PALLD: variants seen among roughly 807,000 people sequenced by gnomAD.
PALLD encodes palladin, cytoskeletal associated protein.
A neutral mutation model predicts 123.5 loss-of-function variants in PALLD; 61 were observed. That is an observed-to-expected ratio of 0.49 (90% CI 0.40 to 0.61). The LOEUF (loss-of-function observed/expected upper bound fraction) is 0.61. Ranked by LOEUF, PALLD falls within the 20% of genes least tolerant of loss-of-function variation. PALLD has a pLI of 0.00. For missense variants in PALLD, 1,273 were observed against 1,377.0 expected, an observed-to-expected ratio of 0.92 and a Z score of 1.20; for synonymous variants, 465 against 496.4, an observed-to-expected ratio of 0.94 and a Z score of 0.84.
At chr4:168,530,154 A>C (rs1051812564) in intron 2 of PALLD, among the ~76,000 whole-genome samples, 2 of 152,216 alleles carry the variant, frequency 1.3e-5, no homozygotes, top group African/African-American at 4.8e-5. Context: ...GCTAACTCTA[A>C]TTTATCCACT....
chr4:168,879,521 C>G (rs1232845604), intron 10 of PALLD, among the ~76,000 whole-genome samples: 1 of 152,146 alleles, frequency 6.6e-6, no homozygotes, highest in East Asian at 1.9e-4. Flanking sequence ...AGGAGAAGAT[C>G]TTAGAATTCA....
intron 8 of PALLD, among the ~76,000 whole-genome samples, chr4:168,708,510 C>T (rs1222910950): frequency 6.6e-6 from 1 of 152,206 alleles, no homozygotes; most frequent in Non-Finnish European, 1.5e-5. Context: ...CACTGCCATG[C>T]CACTTAACAG....
At chr4:168,562,911 G>A (rs942917904) in intron 2 of PALLD, among the ~76,000 whole-genome samples, 2 of 152,132 alleles carry the variant, frequency 1.3e-5, no homozygotes, top group Non-Finnish European at 2.9e-5. Flanking sequence ...TGTAGAGAAT[G>A]GACTATATAG....
At chr4:168,517,280 CA>C (rs1390137216) in intron 2 of PALLD, among the ~76,000 whole-genome samples, 1 of 151,592 alleles carries the variant, frequency 6.6e-6, no homozygotes, top group Non-Finnish European at 1.5e-5. Flanking sequence ...GTACATATGT[CA>C]AAAAAAACTT....
intron 10 of PALLD, among the ~76,000 whole-genome samples, chr4:168,714,595 C>T (rs185989163): frequency 2.0e-5 from 3 of 152,078 alleles, no homozygotes; most frequent in Non-Finnish European, 2.9e-5. Flanking sequence ...TTATTTGCCT[C>T]GTGTGGTCAG....
At chr4:168,907,107 C>T (rs1312380433) in intron 15 of PALLD, among the ~76,000 whole-genome samples, 2 of 151,624 alleles carry the variant, frequency 1.3e-5, no homozygotes, top group Non-Finnish European at 2.9e-5. Context: ...TTTCCTCCCT[C>T]GTAAAATGAG....
intron 10 of PALLD, among the ~76,000 whole-genome samples, chr4:168,774,727 C>CAAAAAAAAAAAAAAAAAA (rs56364164): frequency 1.4e-5 from 1 of 73,226 alleles, no homozygotes; most frequent in Non-Finnish European, 2.6e-5. Flanking sequence ...GACTGCATCT[C>CAAAAAAAAAAAAAAAAAA]AAAAAAAAAA....
chr4:168,882,095 A>G (rs1390857340), intron 10 of PALLD, among the ~76,000 whole-genome samples: 1 of 152,212 alleles, frequency 6.6e-6, no homozygotes, highest in East Asian at 1.9e-4. Context: ...TTTGGTTTGA[A>G]ATGTTGCCCC....
Position 168,926,213 on chromosome 4 carries a change from C to T in PALLD, c.*33C>T, listed in dbSNP as rs569054006. ...CTTAATTTACTCTTTTTCTTTGTAG[C>T]CCAGTGGCATCAGCAGTCACAGAGC... On this transcript the variant is annotated splice_region_variant and 3_prime_UTR_variant, in exon 22 of 22. Transcript: ENST00000505667. 3.9e-6 allele frequency: 6 copies of T among 1,527,184 alleles called. No individual in the cohort carries two copies. Among genetic ancestry groups the T allele is most frequent in the Non-Finnish European group, 5.3e-6 (6 of 1,141,194 alleles). The allele number at this position is 1,527,184 out of a possible 1,614,324, so 94.6% of individuals were successfully genotyped here.
chr4:168,646,936 CA>C (rs1325914468), intron 2 of PALLD, among the ~76,000 whole-genome samples: 1 of 152,152 alleles, frequency 6.6e-6, no homozygotes, highest in Non-Finnish European at 1.5e-5. Context: ...TCTCAATCCT[CA>C]AAACTACCAA....
intron 10 of PALLD, among the ~76,000 whole-genome samples, chr4:168,738,951 G>A (rs1788053321): frequency 6.6e-6 from 1 of 152,208 alleles, no homozygotes; most frequent in South Asian, 2.1e-4. Flanking sequence ...GTCCAGGCAG[G>A]TATCTATCAT....
intron 10 of PALLD, among the ~76,000 whole-genome samples, chr4:168,824,777 T>A (rs1001739415): frequency 2.6e-5 from 4 of 151,900 alleles, no homozygotes; most frequent in African/African-American, 9.7e-5. Context: ...TTGTCAATTG[T>A]TTTAACTGTC....
At position 168,785,888 on chromosome 4, in the gene PALLD, C is replaced by A. The variant is rs183563274; in HGVS notation, c.1964+73965C>A. 3.4e-3 allele frequency among the ~76,000 whole-genome samples: 297 copies of A among 87,340 alleles called. 5 individuals carry two copies. Among genetic ancestry groups the A allele is most frequent in the African/African-American group, 8.9e-3 (255 of 28,504 alleles). The allele number at this position is 87,340 out of a possible 152,430, so 57.3% of individuals were successfully genotyped here. On this transcript the variant is annotated intron_variant, in intron 10 of 21. Transcript: ENST00000505667. ...ATATATATATATATAGCATTTTAAG[C>A]CCAACTTGAAGAAAGTTGCTGAATT... is the stretch of plus-strand genomic sequence containing the variant.
At chr4:168,896,040 T>A (rs1316445833) in intron 12 of PALLD, among the ~76,000 whole-genome samples, 2 of 152,006 alleles carry the variant, frequency 1.3e-5, no homozygotes, top group Non-Finnish European at 2.9e-5. Flanking sequence ...TGAAACCCCG[T>A]CTCTACTGAA....
rs751503540 is a variant in PALLD at position 168,709,160 on chromosome 4, TA to T, written c.1621+21del. Reference sequence around the variant, plus strand: ...GTTGTCACCTCAGGTATGTGAGGAGTAAAAAAAATGACTGGGTTCTGTTCCC... The same window carrying T: ...GTTGTCACCTCAGGTATGTGAGGAGTAAAAAAATGACTGGGTTCTGTTCCC... On this transcript the variant is annotated intron_variant, in intron 9 of 21. Transcript: ENST00000505667. 3.0e-5 allele frequency: 48 copies of T among 1,610,040 alleles called. No individual in the cohort carries two copies. The highest frequency in any genetic ancestry group is 2.8e-4 in the African/African-American group (21 of 74,168).
chr4:168,889,055 G>T (rs1753764777), intron 10 of PALLD, among the ~76,000 whole-genome samples: 1 of 151,866 alleles, frequency 6.6e-6, no homozygotes, highest in South Asian at 2.1e-4. Context: ...CCTTACTTGT[G>T]CTTTCTACTG....
chr4:168,517,329 T>C (rs1013923407), intron 2 of PALLD, among the ~76,000 whole-genome samples: 2 of 152,192 alleles, frequency 1.3e-5, no homozygotes, highest in Admixed American at 6.5e-5. Context: ...TGGAATCCAG[T>C]AATGTGCTTT....
At chr4:168,898,145 C>A in intron 13 of PALLD, 1 of 325,924 alleles carries the variant, frequency 3.1e-6, no homozygotes, top group Non-Finnish European at 5.9e-6. Flanking sequence ...ATCAGCGTTC[C>A]ATTATATTTT....
intron 10 of PALLD, among the ~76,000 whole-genome samples, chr4:168,747,670 A>G (rs1392756): frequency 0.56 from 84,481 of 151,984 alleles, 23,791 homozygotes; most frequent in African/African-American, 0.64. Flanking sequence ...CCTGCCAGTC[A>G]CCTTGTCAGT....
Sources: allele counts gnomAD v4.1 joint callset (sites outside exome capture counted in the v4.1 genomes callset), GRCh38; gene constraint gnomAD v4.1.1; transcripts MANE v1.5; gene names NCBI Gene and HGNC (gene_info 2026-07-23, HGNC 2026-07-21).